MARCHF7: variants seen among roughly 807,000 people sequenced by gnomAD.
MARCHF7 encodes E3 ubiquitin-protein ligase MARCHF7.
In MARCHF7, 20 loss-of-function variants were observed where a neutral mutation model predicts 76.5. The ratio of observed to expected loss-of-function variants is 0.26; its 90% CI spans 0.18 to 0.38. The LOEUF (loss-of-function observed/expected upper bound fraction) is 0.38. Among genes scored for constraint, MARCHF7 ranks in the 10% least tolerant of loss-of-function variants. The probability of loss-of-function intolerance (pLI) is 1.00; values close to 1 mark genes in which losing one functional copy is unlikely to be tolerated. For missense variants in MARCHF7, 797 were observed against 812.9 expected, an observed-to-expected ratio of 0.98 and a Z score of 0.24; for synonymous variants, 295 against 293.0, an observed-to-expected ratio of 1.01 and a Z score of -0.07.
chr2:159,733,518 A>C (rs966858578), intron 4 of MARCHF7: 4 of 983,180 alleles, frequency 4.1e-6, no homozygotes, highest in Middle Eastern at 5.2e-4. Flanking sequence ...GATTACAGGC[A>C]TGAGCTACTG....
chr2:159,744,993 C>A (rs1459093542), intron 5 of MARCHF7, among the ~76,000 whole-genome samples: 1 of 152,212 alleles, frequency 6.6e-6, no homozygotes, highest in Non-Finnish European at 1.5e-5. Flanking sequence ...AAAAATCAAG[C>A]AACTGTGGTA....
At chr2:159,756,310 G>A (rs998097729) in intron 8 of MARCHF7, among the ~76,000 whole-genome samples, 16 of 152,150 alleles carry the variant, frequency 1.1e-4, no homozygotes, top group African/African-American at 3.9e-4. Flanking sequence ...GGAACACTTA[G>A]CTAGCTATAG....
chr2:159,740,021 T>G (rs1318433792), intron 4 of MARCHF7, among the ~76,000 whole-genome samples: 1 of 152,190 alleles, frequency 6.6e-6, no homozygotes. Flanking sequence ...GCATAGTCAT[T>G]TATTTCACCA....
At chr2:159,718,541 G>A (rs184307320) in intron 3 of MARCHF7, among the ~76,000 whole-genome samples, 1 of 151,844 alleles carries the variant, frequency 6.6e-6, no homozygotes, top group Non-Finnish European at 1.5e-5. Context: ...TAATGGAAGG[G>A]GATACATAAT....
At chr2:159,728,701 A>G (rs1276521708) in intron 3 of MARCHF7, among the ~76,000 whole-genome samples, 1 of 152,204 alleles carries the variant, frequency 6.6e-6, no homozygotes, top group Non-Finnish European at 1.5e-5. Context: ...GTCAAGGACA[A>G]ATTCATGTAG....
intron 10 of MARCHF7, among the ~76,000 whole-genome samples, chr2:159,763,409 G>A (rs542208303): frequency 6.6e-6 from 1 of 152,158 alleles, no homozygotes; most frequent in Non-Finnish European, 1.5e-5. Flanking sequence ...AAGATTACCA[G>A]TGTACTAATT....
intron 4 of MARCHF7, among the ~76,000 whole-genome samples, chr2:159,740,134 G>A (rs1331622150): frequency 6.6e-6 from 1 of 151,902 alleles, no homozygotes; most frequent in East Asian, 1.9e-4. Flanking sequence ...TACTTCATAG[G>A]GACTTATTTC....
In MARCHF7 at chr2:159,748,017, T is replaced by G; in HGVS notation, c.727T>G (p.Ser243Ala). ...CCGAAGCAATACGCAGCCTGGATTTTCTTACAGTTCAAGTAGAGATGAAGC... is the reference window on the plus strand; with the variant it reads ...CCGAAGCAATACGCAGCCTGGATTTGCTTACAGTTCAAGTAGAGATGAAGC... ...SSRSNTQPGF[S>A]YSSSRDEAPI... is the part of the protein sequence containing the mutation. The change falls in exon 7 of 12, where the codon TCT (serine) becomes GCT (alanine). Residue 243 changes from serine to alanine, a missense_variant. This residue lies in a region of MARCHF7 where 643 missense variants were observed against 631.5 expected (regional missense o/e 1.02). Transcript: ENST00000409175. 1 of 1,614,188 alleles carries G rather than the reference T, an allele frequency of 6.2e-7. No homozygotes were observed. The highest frequency in any genetic ancestry group is 1.3e-5 in the African/African-American group (1 of 75,058).
At chr2:159,734,007 T>A in intron 4 of MARCHF7, 1 of 1,339,142 alleles carries the variant, frequency 7.5e-7, no homozygotes. Flanking sequence ...TGCTGTTACT[T>A]CTGCTATCCC....
rs758662495 is a variant in MARCHF7 at position 159,721,775 on chromosome 2, C to A, written c.-15+6009C>A. On this transcript the variant is annotated intron_variant, in intron 3 of 11. Coordinates refer to ENST00000409175, the MANE Select transcript of MARCHF7 (RefSeq NM_001282805.2). The stretch of plus-strand genomic sequence containing the variant: ...AGTGGATCTATCATGACTGGGACTT[C>A]AGTGAGGCATACTTCACTGCCCTAT... Among the ~76,000 whole-genome samples the A allele has an allele frequency of 1.3e-5, 2 of 152,270 alleles. 1 individual carries two copies. The highest frequency in any genetic ancestry group is 4.1e-4 in the South Asian group (2 of 4,820).
Position 159,748,045 on chromosome 2 carries a change from C to T in MARCHF7, c.755C>T (p.Pro252Leu), listed in dbSNP as rs746196928. Residue 252 changes from proline to leucine, a missense_variant, in exon 7 of 12, where the codon CCA becomes CTA. This residue lies in a region of MARCHF7 where 643 missense variants were observed against 631.5 expected (regional missense o/e 1.02). Transcript: ENST00000409175. The part of the protein sequence containing the change: ...FSYSSSRDEA[P>L]IISNSERVVS... ...TACAGTTCAAGTAGAGATGAAGCCC[C>T]AATCATAAGCAATTCAGAAAGGGTT... 1.2e-6 allele frequency: 2 copies of T among 1,614,158 alleles called. No homozygotes were observed. Among genetic ancestry groups the T allele is most frequent in the East Asian group, 2.2e-5 (1 of 44,886 alleles).
intron 10 of MARCHF7, among the ~76,000 whole-genome samples, chr2:159,763,853 C>T (rs111893075): frequency 1.3e-3 from 199 of 152,154 alleles, no homozygotes; most frequent in African/African-American, 4.7e-3. Flanking sequence ...TTCCAGTGAG[C>T]TGGTTAACAG....
chr2:159,765,273 A>T (rs563646163), intron 11 of MARCHF7, among the ~76,000 whole-genome samples: 95 of 152,114 alleles, frequency 6.2e-4, no homozygotes, highest in Non-Finnish European at 1.3e-3. Flanking sequence ...CAACAGCTCA[A>T]ATCTCTTAAG....
In MARCHF7 at chr2:159,716,316, A is replaced by T. The variant is rs892013264; in HGVS notation, c.-15+550A>T. Among the ~76,000 whole-genome samples, 4 of 151,850 alleles carry T rather than the reference A, an allele frequency of 2.6e-5. No individual in the cohort carries two copies. The South Asian group carries it at 6.2e-4, about 24-fold the overall frequency. The stretch of plus-strand genomic sequence containing the variant: ...GCAAAGTATATGTAAATAATGAAAT[A>T]GTAACTGCGTGTTTGTATTTCTGCA... On this transcript the variant is annotated intron_variant, in intron 3 of 11. Coordinates refer to ENST00000409175, the MANE Select transcript of MARCHF7 (RefSeq NM_001282805.2).
At chr2:159,732,936 C>T in intron 4 of MARCHF7, 1 of 984,646 alleles carries the variant, frequency 1.0e-6, no homozygotes, top group Non-Finnish European at 1.2e-6. Flanking sequence ...CAAGATTGTT[C>T]ATCTTAATTG....
chr2:159,715,346 T>G (rs1420022837), intron 2 of MARCHF7, among the ~76,000 whole-genome samples: 1 of 150,190 alleles, frequency 6.7e-6, no homozygotes, highest in African/African-American at 2.5e-5. Flanking sequence ...AATTATAATT[T>G]GAGAGTTTAG....
In MARCHF7 at chr2:159,748,245, A is replaced by AG; in HGVS notation, c.956dup (p.Ile320AsnfsTer9). The AG allele has an allele frequency of 6.2e-7, 1 of 1,613,862 alleles. No homozygotes were observed. Among genetic ancestry groups the AG allele is most frequent in the Non-Finnish European group, 8.5e-7 (1 of 1,180,018 alleles). On this transcript the variant is annotated frameshift_variant, in exon 7 of 12. Transcript: ENST00000409175. LOFTEE classifies it high-confidence loss of function. ...TTCTGAAAATTCTTACGTTTCTCCA[A>AG]GAATCTTGACAGCTTCACAGTCCCG...
Position 159,748,067 on chromosome 2 carries a change from G to T in MARCHF7, c.777G>T (p.Arg259Ser). 6.2e-7 allele frequency: 1 copy of T among 1,614,110 alleles called. No individual in the cohort carries two copies. Among genetic ancestry groups the T allele is most frequent in the Non-Finnish European group, 8.5e-7 (1 of 1,180,010 alleles). The change falls in exon 7 of 12, where the codon AGG (arginine) becomes AGT (serine). Residue 259 changes from arginine (R) to serine (S), a missense_variant. By Grantham distance (110) the Arg-to-Ser change is moderately radical (BLOSUM62 -1). This residue lies in a region of MARCHF7 where 643 missense variants were observed against 631.5 expected (regional missense o/e 1.02). Coordinates refer to ENST00000409175, the MANE Select transcript of MARCHF7 (RefSeq NM_001282805.2). ...CCCCAATCATAAGCAATTCAGAAAG[G>T]GTTGTTTCATCTCAAAGACCATTTC... The part of the protein sequence containing the change: ...DEAPIISNSE[R>S]VVSSQRPFQE...
chr2:159,764,212 T>TGTG (rs1413522143), intron 10 of MARCHF7, among the ~76,000 whole-genome samples: 6 of 138,564 alleles, frequency 4.3e-5, no homozygotes, highest in African/African-American at 1.7e-4. Context: ...CTTGGGAGTT[T>TGTG]TGTGTGTGTG....
Sources: allele counts gnomAD v4.1 joint callset (sites outside exome capture counted in the v4.1 genomes callset), GRCh38; gene constraint gnomAD v4.1.1; regional missense constraint gnomAD v4.1.1; transcripts MANE v1.5; gene names NCBI Gene and HGNC (gene_info 2026-07-23, HGNC 2026-07-21).